PIK3R3: variants seen among roughly 807,000 people sequenced by gnomAD.
PIK3R3 encodes phosphatidylinositol 3-kinase regulatory subunit gamma.
In PIK3R3, 64 loss-of-function variants were observed where a neutral mutation model predicts 62.9. The ratio of observed to expected loss-of-function variants is 1.02; its 90% CI spans 0.83 to 1.25. The LOEUF (loss-of-function observed/expected upper bound fraction) is 1.25, where lower values mean the gene tolerates loss of function less well. Ranked by LOEUF, PIK3R3 falls within the 50% of genes most tolerant of loss-of-function variation. The pLI, the probability that PIK3R3 is intolerant of heterozygous loss-of-function variation, is 0.00. For synonymous variants in PIK3R3, 165 were observed against 189.0 expected (o/e 0.87, Z 1.04); for missense variants, 614 against 561.6 (o/e 1.09, Z -0.94).
chr1:46,067,520 T>TG (rs1025360990), intron 3 of PIK3R3, among the ~76,000 whole-genome samples: 131 of 152,046 alleles, frequency 8.6e-4, no homozygotes, highest in Non-Finnish European at 1.7e-3. Context: ...TATGTCTCTG[T>TG]GGGGGGAGCA....
At chr1:46,105,979 G>A (rs1653170118) in intron 1 of PIK3R3, among the ~76,000 whole-genome samples, 1 of 152,156 alleles carries the variant, frequency 6.6e-6, no homozygotes, top group Non-Finnish European at 1.5e-5. Context: ...TTACAATGAT[G>A]ACTGCTTCTT....
At position 46,105,079 on chromosome 1, in the gene PIK3R3, T is replaced by TACAGC. The variant is rs1269122438; in HGVS notation, c.107-24330_107-24329insGCTGT. ...TATTAGCTAGTGGAGCCACTTTCTCTATTGCTGTATGGACTTATGTAGCAA... is the reference window on the plus strand; with the variant it reads ...TATTAGCTAGTGGAGCCACTTTCTCTACAGCATTGCTGTATGGACTTATGTAGCAA... On this transcript the variant is annotated intron_variant, in intron 1 of 9. Transcript: ENST00000262741. 1.2e-4 allele frequency: 92 copies of TACAGC among 746,996 alleles called. 1 individual carries two copies. The highest frequency in any genetic ancestry group is 6.8e-4 in the South Asian group (50 of 73,224). 46.3% of individuals were successfully genotyped at this position (746,996 alleles called of 1,614,324 possible). A position where few individuals can be genotyped will look rare whatever the true frequency, so the allele number is the denominator to read the frequency against.
At chr1:46,164,857 G>T in the PIK3R3 span, among the ~76,000 whole-genome samples, 1 of 151,986 alleles carries the variant, frequency 6.6e-6, no homozygotes, top group East Asian at 1.9e-4. Flanking sequence ...TTTTTGAGAT[G>T]GGGTTCTCAC....
At chr1:46,127,841 G>C (rs960691118) in intron 1 of PIK3R3, among the ~76,000 whole-genome samples, 1 of 152,118 alleles carries the variant, frequency 6.6e-6, no homozygotes, top group Non-Finnish European at 1.5e-5. Flanking sequence ...GGGATTACAG[G>C]CATTAGCCAC....
In PIK3R3 at chr1:46,043,691, C is replaced by T. The variant is rs772643947; in HGVS notation, c.1368G>A (p.Met456Ile). The T allele has an allele frequency of 1.2e-6, 2 of 1,614,142 alleles. No individual in the cohort carries two copies. The highest frequency in any genetic ancestry group is 2.2e-5 in the South Asian group (2 of 91,074). ...VRLAYPVHAQMPSLCR is the reference protein window; with the variant it reads ...VRLAYPVHAQIPSLCR ...TTCCTCTTTATCTGCAAAGCGAGGG[C>T]ATCTGTGCATGAACAGGGTAGGCAA... The change falls in exon 10 of 10, where the codon ATG becomes ATA. Residue 456 changes from methionine to isoleucine, a missense_variant. Transcript: ENST00000262741.
At chr1:46,109,542 G>A (rs1653542238) in intron 1 of PIK3R3, among the ~76,000 whole-genome samples, 1 of 151,960 alleles carries the variant, frequency 6.6e-6, no homozygotes, top group African/African-American at 2.4e-5. Flanking sequence ...GAAGTACAGT[G>A]ACGCAATCTC....
In PIK3R3 at chr1:46,080,731, A is replaced by C. The variant is rs1650503537; in HGVS notation, c.126T>G (p.Pro42=). The C allele has an allele frequency of 6.2e-7, 1 of 1,612,930 alleles. No individual in the cohort carries two copies. Among genetic ancestry groups the C allele is most frequent in the East Asian group, 2.2e-5 (1 of 44,866 alleles). The change falls in exon 2 of 10, where the codon CCT becomes CCG. Residue 42 remains proline (P), a synonymous_variant. Transcript: ENST00000262741. ...MDPPALPPKP[P]KPMTSAVPNG... ...TTGGAACTGCTGAAGTCATTGGCTT[A>C]GGTGGCTTTGGTGGAAGAGCTAGAA... is the stretch of plus-strand genomic sequence containing the variant.
intron 3 of PIK3R3, among the ~76,000 whole-genome samples, chr1:46,074,286 C>CAAAAAAAAAAAAAAAAAAAAAAAAA: frequency 4.8e-5 from 1 of 20,826 alleles, no homozygotes; most frequent in Non-Finnish European, 8.7e-5. Flanking sequence ...TAGACTCCGT[C>CAAAAAAAAAAAAAAAAAAAAAAAAA]AAAAAAAAAA....
chr1:46,170,675 C>A, the PIK3R3 span, among the ~76,000 whole-genome samples: 3 of 152,254 alleles, frequency 2.0e-5, no homozygotes, highest in Admixed American at 6.5e-5. Context: ...CCAGCCTCAG[C>A]CTCCCAAAGT....
chr1:46,062,199 GT>G (rs1249384124), intron 5 of PIK3R3, 128 bp from the exon 6 acceptor site: 5 of 714,436 alleles, frequency 7.0e-6, no homozygotes, highest in Non-Finnish European at 2.2e-6. Flanking sequence ...TCTTTCAAAA[GT>G]CTTCTCCTTG....
In PIK3R3 at chr1:46,096,756, G is replaced by A. The variant is rs546724124; in HGVS notation, c.107-16006C>T. On this transcript the variant is annotated intron_variant, in intron 1 of 9. Transcript: ENST00000262741. ...CTTGGAAGGCTGAGGTGGGAGGATC[G>A]CTTGAACCTGTGAGGTGGAGGTTGC... is the stretch of plus-strand genomic sequence containing the variant. Among the ~76,000 whole-genome samples the A allele has an allele frequency of 5.3e-5, 8 of 151,542 alleles. No individual in the cohort carries two copies. In the South Asian group the frequency reaches 6.2e-4, roughly 12 times the overall value.
At chr1:46,161,596 A>G in the PIK3R3 span, among the ~76,000 whole-genome samples, 1 of 152,162 alleles carries the variant, frequency 6.6e-6, no homozygotes. Context: ...CAAGCCAGGC[A>G]TGGTGGCATG....
chr1:46,161,826 C>T, the PIK3R3 span, among the ~76,000 whole-genome samples: 2 of 152,358 alleles, frequency 1.3e-5, no homozygotes, highest in East Asian at 3.9e-4. Flanking sequence ...GGCACGGTGG[C>T]TCAAGCCTGT....
the PIK3R3 span, among the ~76,000 whole-genome samples, chr1:46,165,733 T>G: frequency 1.3e-5 from 2 of 149,978 alleles, no homozygotes; most frequent in East Asian, 3.9e-4. Flanking sequence ...TATTTTTAAT[T>G]TAAACTGCTG....
chr1:46,092,790 ACTTT>A (rs1449182233), intron 1 of PIK3R3, among the ~76,000 whole-genome samples: 1 of 140,088 alleles, frequency 7.1e-6, no homozygotes, highest in Admixed American at 7.5e-5. Context: ...CAAACTTAGT[ACTTT>A]CTTTCTATCC....
At chr1:46,150,552 C>T in the PIK3R3 span, among the ~76,000 whole-genome samples, 1 of 152,168 alleles carries the variant, frequency 6.6e-6, no homozygotes, top group South Asian at 2.1e-4. Context: ...ACCCTAAACC[C>T]ATTATACTAA....
chr1:46,147,286 T>C, the PIK3R3 span, among the ~76,000 whole-genome samples: 2 of 152,124 alleles, frequency 1.3e-5, no homozygotes, highest in Admixed American at 1.3e-4. Context: ...GTATTTTTAG[T>C]AGAGACTGGG....
chr1:46,093,268 T>A (rs549349711), intron 1 of PIK3R3, among the ~76,000 whole-genome samples: 1 of 152,298 alleles, frequency 6.6e-6, no homozygotes, highest in South Asian at 2.1e-4. Context: ...TTAAGTTTCA[T>A]TAGGAAGAAA....
rs115217660 is a variant in PIK3R3, at chr1:46,059,392, A to G, written c.764+2537T>C. Among the ~76,000 whole-genome samples the G allele has an allele frequency of 6.7e-3, 1,018 of 152,366 alleles. 11 individuals carry two copies. The highest frequency in any genetic ancestry group is 0.024 in the African/African-American group (982 of 41,588). On this transcript the variant is annotated intron_variant, in intron 6 of 9. Coordinates refer to ENST00000262741, the MANE Select transcript of PIK3R3 (RefSeq NM_003629.4). Reference sequence around the variant, plus strand: ...GTAAAGGACAAAAACATTCCCTGACATTATCTTGGTAAGCACGCAACAGAT... The same window carrying G: ...GTAAAGGACAAAAACATTCCCTGACGTTATCTTGGTAAGCACGCAACAGAT...
Sources: gnomAD v4.1 joint callset for allele counts (sites outside exome capture counted in the v4.1 genomes callset) on GRCh38, gnomAD v4.1.1 for gene constraint, MANE v1.5 for transcripts, NCBI Gene and HGNC (gene_info 2026-07-23, HGNC 2026-07-21) for gene names.